Variants in LYRM2 observed in about 807,000 individuals in gnomAD.
LYRM2 encodes LYR motif containing 2, also known as LYR motif-containing protein 2.
In LYRM2, 8 loss-of-function variants were observed where a neutral mutation model predicts 11.6. The ratio of observed to expected loss-of-function variants is 0.69; its 90% confidence interval spans 0.40 to 1.24. The LOEUF is 1.24. Ranked by LOEUF, LYRM2 falls within the 50% of genes most tolerant of loss-of-function variation. The probability of loss-of-function intolerance (pLI) is 0.01; values close to 1 mark genes in which losing one functional copy is unlikely to be tolerated. For missense variants in LYRM2, 117 were observed against 102.9 expected (o/e 1.14, Z -0.59); for synonymous variants, 30 against 36.4 (o/e 0.83, Z 0.63).
chr6:89,638,437 A>C (rs1171493233), intron 1 of LYRM2: 1 of 1,437,894 alleles, frequency 7.0e-7, no homozygotes, highest in African/African-American at 1.4e-5. Context: ...ACCGGGACTC[A>C]GGGAAATCAA....
Position 89,638,664 on chromosome 6 carries a change from G to T in LYRM2, c.45+8C>A, listed in dbSNP as rs564920692. The T allele has an allele frequency of 7.4e-6, 12 of 1,614,060 alleles. No individual in the cohort carries two copies. In the Admixed American group the frequency reaches 1.2e-4, roughly 16 times the overall value. On this transcript the variant is annotated splice_region_variant and intron_variant, in intron 1 of 2. Coordinates refer to ENST00000523377, the MANE Select transcript of LYRM2 (RefSeq NM_020466.5). ...AAGCTGCTTTGGAAGGCAGAGAACC[G>T]CCGGTACCTGCTTTAACGTTAGCGT...
rs1253169596 is a variant in LYRM2, at chr6:89,636,226, C to T, written c.*1047G>A. 2.6e-5 allele frequency: 4 copies of T among 152,200 alleles called. No individual in the cohort carries two copies. The highest frequency in any genetic ancestry group is 5.9e-5 in the Non-Finnish European group (4 of 68,050). The allele number at this position is 152,200 out of a possible 1,614,324, so 9.4% of individuals were successfully genotyped here. On this transcript the variant is annotated 3_prime_UTR_variant, in exon 3 of 3. Coordinates refer to ENST00000523377, the MANE Select transcript of LYRM2 (RefSeq NM_020466.5). ...ATATATTCAAGAGTTGTGCAGCCTA[C>T]ACCACAAGCTAACTGTAGGATATTT... is the stretch of plus-strand genomic sequence containing the variant.
rs1243522339 is a variant in LYRM2, at chr6:89,635,584, A to G, written c.*1689T>C. ...TTTATCATTCTGCAAAATGTTGTCT[A>G]CATCTTTCAGGTGCTGGTCATTCTT... On this transcript the variant is annotated 3_prime_UTR_variant, in exon 3 of 3. Transcript: ENST00000523377. The G allele has an allele frequency of 6.6e-6, 1 of 152,442 alleles. No individual in the cohort carries two copies. Among genetic ancestry groups the G allele is most frequent in the Non-Finnish European group, 1.5e-5 (1 of 68,086 alleles). 9.4% of individuals were successfully genotyped at this position (152,442 alleles called of 1,614,324 possible).
chr6:89,634,284 T>C lies in LYRM2; in HGVS notation c.*2989A>G, dbSNP rs749636112. The C allele has an allele frequency of 6.6e-6, 1 of 151,988 alleles. No homozygotes were observed. Among genetic ancestry groups the C allele is most frequent in the Non-Finnish European group, 1.5e-5 (1 of 67,970 alleles). 9.4% of individuals were successfully genotyped at this position (151,988 alleles called of 1,614,324 possible). On this transcript the variant is annotated 3_prime_UTR_variant, in exon 3 of 3. Coordinates refer to ENST00000523377, the MANE Select transcript of LYRM2 (RefSeq NM_020466.5). ...GTAAGAGTAAAACATACATTTCTTA[T>C]TTGTAATTTTATTTAAGGAGAAATA...
rs201265383 is a variant in LYRM2 at position 89,637,908 on chromosome 6, A to G, written c.46-26T>C. Reference sequence around the variant, plus strand: ...CTGTAAAAGGGAGGAGTAAATAGCAATTACTACTGCACAATCGCCAGCCTG... The same window carrying G: ...CTGTAAAAGGGAGGAGTAAATAGCAGTTACTACTGCACAATCGCCAGCCTG... On this transcript the variant is annotated intron_variant, in intron 1 of 2. Transcript: ENST00000523377. 6.3e-4 allele frequency: 1,010 copies of G among 1,603,224 alleles called. 1 individual carries two copies. Among genetic ancestry groups the G allele is most frequent in the Non-Finnish European group, 8.0e-4 (939 of 1,171,460 alleles).
Position 89,632,960 on chromosome 6 carries a change from T to TATTA in LYRM2, c.*4309_*4312dup, listed in dbSNP as rs1159801082. ...TATTTTCACTTACCAAAATATCTCC[T>TATTA]ATTACCTCAAGGTATCCTTGTTGAG... On this transcript the variant is annotated 3_prime_UTR_variant, in exon 3 of 3. Transcript: ENST00000523377. 1.3e-5 allele frequency: 2 copies of TATTA among 152,254 alleles called. No homozygotes were observed. Among genetic ancestry groups the TATTA allele is most frequent in the Non-Finnish European group, 2.9e-5 (2 of 68,040 alleles). 9.4% of individuals were successfully genotyped at this position (152,254 alleles called of 1,614,324 possible). A position where few individuals can be genotyped will look rare whatever the true frequency, so the allele number is the denominator to read the frequency against.
chr6:89,637,764 C>T lies in LYRM2; in HGVS notation c.164G>A (p.Arg55Lys). The T allele has an allele frequency of 6.2e-7, 1 of 1,613,770 alleles. No individual in the cohort carries two copies. The highest frequency in any genetic ancestry group is 8.5e-7 in the Non-Finnish European group (1 of 1,179,860). ...LKDWAREEFRRNKSATEEDTI... is the reference protein window; with the variant it reads ...LKDWAREEFRKNKSATEEDTI... ...CACCTCTTCGGTGGCACTTTTGTTT[C>T]TTCTGAATTCTTCTCTTGCCCAATC... Residue 55 changes from arginine (R) to lysine (K), a missense_variant, in exon 2 of 3, where the codon AGA becomes AAA. Transcript: ENST00000523377.
intron 1 of LYRM2, 33 bp from the exon 2 acceptor site, chr6:89,637,915 C>G: frequency 1.3e-6 from 2 of 1,586,932 alleles, no homozygotes; most frequent in Non-Finnish European, 1.7e-6. Context: ...GCAATTACTA[C>G]TGCACAATCG....
At chr6:89,637,922 A>G in intron 1 of LYRM2, 40 bp from the exon 2 acceptor site, 1 of 1,563,736 alleles carries the variant, frequency 6.4e-7, no homozygotes, top group Non-Finnish European at 8.7e-7. Context: ...CTACTGCACA[A>G]TCGCCAGCCT....
rs202042463 is a variant in LYRM2 at position 89,634,256 on chromosome 6, TGAGTAA to T, written c.*3011_*3016del. 1.3e-5 allele frequency: 2 copies of T among 152,350 alleles called. No homozygotes were observed. Among genetic ancestry groups the T allele is most frequent in the East Asian group, 1.9e-4 (1 of 5,194 alleles). The allele number at this position is 152,350 out of a possible 1,614,324, so 9.4% of individuals were successfully genotyped here. ...CTTTTGTATTCTACAATACCTTTTATGAGTAAGAGTAAAACATACATTTCTTATTTG... is the reference window on the plus strand; with the variant it reads ...CTTTTGTATTCTACAATACCTTTTATGAGTAAAACATACATTTCTTATTTG... On this transcript the variant is annotated 3_prime_UTR_variant, in exon 3 of 3. Transcript: ENST00000523377.
Position 89,637,347 on chromosome 6 carries a change from T to C in LYRM2, c.193A>G (p.Ile65Val), listed in dbSNP as rs560564334. 5.0e-6 allele frequency: 8 copies of C among 1,602,414 alleles called. No homozygotes were observed. Among genetic ancestry groups the C allele is most frequent in the African/African-American group, 1.3e-5 (1 of 74,814 alleles). ...TTGCCTTGAGTAATCATCATCCGGA[T>C]TGTATCCTGTAGAATAAAGTGAAAT... The part of the protein sequence containing the change: ...RNKSATEEDT[I>V]RMMITQGNMQ... Residue 65 changes from isoleucine (I) to valine (V), a missense_variant, in exon 3 of 3, where the codon ATC (isoleucine) becomes GTC (valine). Ile to Val is a conservative substitution (Grantham distance 29). Transcript: ENST00000523377.
rs1808088116 is a variant in LYRM2 at position 89,638,596 on chromosome 6, G to T, written c.45+76C>A. The stretch of plus-strand genomic sequence containing the variant: ...GCATCAGGACCCCGGAACCCGCCCC[G>T]TTGGGGATAGGGACAGATGGAGAAT... On this transcript the variant is annotated intron_variant, in intron 1 of 2. Coordinates refer to ENST00000523377, the MANE Select transcript of LYRM2 (RefSeq NM_020466.5). 4 of 1,603,780 alleles carry T rather than the reference G, an allele frequency of 2.5e-6. No homozygotes were observed. The East Asian group carries it at 9.0e-5, about 36-fold the overall frequency.
chr6:89,638,542 T>C, intron 1 of LYRM2, 130 bp downstream of exon 1: 1 of 1,577,646 alleles, frequency 6.3e-7, no homozygotes, highest in Non-Finnish European at 8.6e-7. Context: ...CCCGCAGGCA[T>C]CGGGCCAATC....
chr6:89,638,289 C>T lies in LYRM2; in HGVS notation c.45+383G>A. Reference sequence around the variant, plus strand: ...CTGCCTACCGGGCTGAAAAGGGCTGCCGGTCTCCTAGAAGTTGTTATTACA... The same window carrying T: ...CTGCCTACCGGGCTGAAAAGGGCTGTCGGTCTCCTAGAAGTTGTTATTACA... On this transcript the variant is annotated intron_variant, in intron 1 of 2. Coordinates refer to ENST00000523377, the MANE Select transcript of LYRM2 (RefSeq NM_020466.5). 4.4e-6 allele frequency: 5 copies of T among 1,145,600 alleles called. No individual in the cohort carries two copies. In the South Asian group the frequency reaches 1.4e-4, roughly 32 times the overall value. The allele number at this position is 1,145,600 out of a possible 1,614,324, so 71.0% of individuals were successfully genotyped here. A position where few individuals can be genotyped will look rare whatever the true frequency, so the allele number is the denominator to read the frequency against.
At chr6:89,638,162 G>T in intron 1 of LYRM2, 1 of 654,050 alleles carries the variant, frequency 1.5e-6, no homozygotes, top group Non-Finnish European at 2.2e-6. Context: ...GCGAGAGTGA[G>T]GCCCTGTCTC....
chr6:89,636,993 T>C lies in LYRM2; in HGVS notation c.*280A>G. On this transcript the variant is annotated 3_prime_UTR_variant, in exon 3 of 3. Coordinates refer to ENST00000523377, the MANE Select transcript of LYRM2 (RefSeq NM_020466.5). ...ACTACACCCGACCTCATAGTAGTTTTGATTTACACTTCCCTAATGATTGTG... is the reference window on the plus strand; with the variant it reads ...ACTACACCCGACCTCATAGTAGTTTCGATTTACACTTCCCTAATGATTGTG... The C allele has an allele frequency of 3.8e-6, 1 of 263,560 alleles. No homozygotes were observed. Among genetic ancestry groups the C allele is most frequent in the Non-Finnish European group, 7.2e-6 (1 of 138,234 alleles). The allele number at this position is 263,560 out of a possible 1,614,324, so 16.3% of individuals were successfully genotyped here. A position where few individuals can be genotyped will look rare whatever the true frequency, so the allele number is the denominator to read the frequency against.
rs1584057430 is a variant in LYRM2 at position 89,636,678 on chromosome 6, TTG to T, written c.*593_*594del. 1 of 135,270 alleles carries T rather than the reference TTG, an allele frequency of 7.4e-6. No homozygotes were observed. The highest frequency in any genetic ancestry group is 2.6e-5 in the African/African-American group (1 of 38,630). The allele number at this position is 135,270 out of a possible 1,614,324, so 8.4% of individuals were successfully genotyped here. The stretch of plus-strand genomic sequence containing the variant: ...ATTCTAGTGAATGTGAATCTCAGGG[TTG>T]TTTTTTTTTTTTTTTTTTAGAGACT... On this transcript the variant is annotated 3_prime_UTR_variant, in exon 3 of 3. Coordinates refer to ENST00000523377, the MANE Select transcript of LYRM2 (RefSeq NM_020466.5).
intron 2 of LYRM2, 145 bp from the exon 3 acceptor site, chr6:89,637,498 C>T: frequency 1.6e-6 from 1 of 642,844 alleles, no homozygotes; most frequent in Non-Finnish European, 2.6e-6. Flanking sequence ...CACATACATA[C>T]ATATAAAATG....
chr6:89,638,608 G>T, intron 1 of LYRM2, 64 bp downstream of exon 1: 1 of 1,611,014 alleles, frequency 6.2e-7, no homozygotes, highest in South Asian at 1.1e-5. Flanking sequence ...TGGGGATAGG[G>T]ACAGATGGAG....
Sources: allele counts gnomAD v4.1 joint callset, GRCh38; gene constraint gnomAD v4.1.1; transcripts MANE v1.5; gene names NCBI Gene and HGNC (gene_info 2026-07-23, HGNC 2026-07-21).